CADM2: variants seen among roughly 807,000 people sequenced by gnomAD.
The protein encoded by CADM2 is cell adhesion molecule 2.
CADM2 carries 12 observed loss-of-function variants against 49.8 expected under a neutral mutation model. The observed-to-expected ratio is 0.24, with a 90% CI of 0.15 to 0.39. CADM2 has a LOEUF of 0.39. Among genes scored for constraint, CADM2 ranks in the 10% least tolerant of loss-of-function variants. CADM2 has a pLI of 1.00. For synonymous variants in CADM2, 214 were observed against 175.4 expected (o/e 1.22, Z -1.74); for missense variants, 378 against 492.3 (o/e 0.77, Z 2.20).
At chr3:85,530,673 G>T (rs887192056) in intron 1 of CADM2, among the ~76,000 whole-genome samples, 1 of 151,972 alleles carries the variant, frequency 6.6e-6, no homozygotes, top group Non-Finnish European at 1.5e-5. Flanking sequence ...TATCTTTATA[G>T]CAGTGTGAGA....
intron 1 of CADM2, among the ~76,000 whole-genome samples, chr3:85,347,327 A>T (rs2030786465): frequency 1.3e-5 from 2 of 149,446 alleles, no homozygotes; most frequent in Non-Finnish European, 3.0e-5. Flanking sequence ...AATGGCATTG[A>T]GAAATGAAGT....
At chr3:85,399,977 T>A (rs72905486) in intron 1 of CADM2, among the ~76,000 whole-genome samples, 6,048 of 150,814 alleles carry the variant, frequency 0.04, 408 homozygotes, top group African/African-American at 0.14. Flanking sequence ...TCCTGCCTGA[T>A]TCACTATGTT....
intron 1 of CADM2, among the ~76,000 whole-genome samples, chr3:85,598,153 C>T (rs2063297368): frequency 6.6e-6 from 1 of 151,800 alleles, no homozygotes; most frequent in African/African-American, 2.4e-5. Context: ...AGACATTGTG[C>T]TAACTAAAAA....
At chr3:85,225,731 G>T (rs1381617072) in intron 1 of CADM2, among the ~76,000 whole-genome samples, 1 of 152,206 alleles carries the variant, frequency 6.6e-6, no homozygotes, top group Non-Finnish European at 1.5e-5. Context: ...GATATTGGCT[G>T]TTGGTCTGTC....
At chr3:85,013,879 A>G (rs2034116465) in intron 1 of CADM2, among the ~76,000 whole-genome samples, 1 of 147,406 alleles carries the variant, frequency 6.8e-6, no homozygotes, top group African/African-American at 2.5e-5. Context: ...AATTATAATT[A>G]ATTAATATTA....
intron 1 of CADM2, among the ~76,000 whole-genome samples, chr3:85,081,304 C>T (rs1166184703): frequency 6.6e-6 from 1 of 152,050 alleles, no homozygotes; most frequent in East Asian, 1.9e-4. Flanking sequence ...TTCAGAATTT[C>T]CCAGAGATTA....
chr3:85,718,543 A>T (rs1306336463), intron 1 of CADM2, among the ~76,000 whole-genome samples: 1 of 152,204 alleles, frequency 6.6e-6, no homozygotes, highest in Non-Finnish European at 1.5e-5. Flanking sequence ...TAGCATAAGA[A>T]AAAGAGATTT....
At chr3:85,492,604 T>C (rs932756628) in intron 1 of CADM2, among the ~76,000 whole-genome samples, 4 of 151,900 alleles carry the variant, frequency 2.6e-5, no homozygotes, top group African/African-American at 9.7e-5. Context: ...AATGAATAAA[T>C]AAAAATAAAA....
intron 1 of CADM2, among the ~76,000 whole-genome samples, chr3:84,997,622 A>T (rs1020214368): frequency 6.6e-6 from 1 of 151,736 alleles, no homozygotes; most frequent in Non-Finnish European, 1.5e-5. Flanking sequence ...TTTATATGTT[A>T]TTTATTTCAG....
At chr3:85,582,394 T>C (rs1174264109) in intron 1 of CADM2, among the ~76,000 whole-genome samples, 1 of 151,872 alleles carries the variant, frequency 6.6e-6, no homozygotes, top group Non-Finnish European at 1.5e-5. Flanking sequence ...TTCATTGATC[T>C]GCTTGTTAAA....
chr3:85,169,413 A>T (rs577574337), intron 1 of CADM2, among the ~76,000 whole-genome samples: 1 of 152,196 alleles, frequency 6.6e-6, no homozygotes. Flanking sequence ...TAATCCTTCT[A>T]GTAAATTAAA....
At chr3:85,497,978 A>C (rs1249824938) in intron 1 of CADM2, among the ~76,000 whole-genome samples, 1 of 151,952 alleles carries the variant, frequency 6.6e-6, no homozygotes, top group African/African-American at 2.4e-5. Flanking sequence ...TTGCCTACTC[A>C]CTAAAATTTA....
At chr3:85,076,985 CAATAAT>C (rs957364096) in intron 1 of CADM2, among the ~76,000 whole-genome samples, 7 of 151,986 alleles carry the variant, frequency 4.6e-5, no homozygotes, top group African/African-American at 1.7e-4. Flanking sequence ...ATAGTAATAA[CAATAAT>C]AATAATAATT....
chr3:85,833,594 C>T (rs2074277421), intron 3 of CADM2, among the ~76,000 whole-genome samples: 1 of 151,434 alleles, frequency 6.6e-6, no homozygotes, highest in Non-Finnish European at 1.5e-5. Context: ...TATTTATTTC[C>T]TCTAAAGTTT....
At chr3:85,500,694 T>G (rs1374796190) in intron 1 of CADM2, among the ~76,000 whole-genome samples, 1 of 152,014 alleles carries the variant, frequency 6.6e-6, no homozygotes, top group Non-Finnish European at 1.5e-5. Context: ...ATTTTTTGTA[T>G]TTTTAGTGGA....
chr3:85,960,278 T>C (rs1194632000), intron 7 of CADM2, among the ~76,000 whole-genome samples: 8 of 151,972 alleles, frequency 5.3e-5, no homozygotes, highest in Non-Finnish European at 1.2e-4. Context: ...GCCATACCCA[T>C]AGACATCACT....
intron 1 of CADM2, among the ~76,000 whole-genome samples, chr3:85,397,080 T>A (rs924615139): frequency 4.6e-5 from 7 of 151,862 alleles, no homozygotes; most frequent in African/African-American, 1.7e-4. Flanking sequence ...TACAACCAAA[T>A]TCAAAAATGG....
At chr3:85,758,294 A>G (rs1407604598) in intron 2 of CADM2, among the ~76,000 whole-genome samples, 1 of 152,140 alleles carries the variant, frequency 6.6e-6, no homozygotes, top group Non-Finnish European at 1.5e-5. Context: ...TCTAGATGGC[A>G]CTCAGTGATG....
chr3:85,270,138 G>A (rs549713889), intron 1 of CADM2, among the ~76,000 whole-genome samples: 39 of 151,192 alleles, frequency 2.6e-4, no homozygotes, highest in Middle Eastern at 3.4e-3. Flanking sequence ...CTCCTAAACC[G>A]CTCTCTGAAT....
Sources: allele counts gnomAD v4.1 joint callset (sites outside exome capture counted in the v4.1 genomes callset), GRCh38; gene constraint gnomAD v4.1.1; transcripts MANE v1.5; gene names NCBI Gene and HGNC (gene_info 2026-07-23, HGNC 2026-07-21).